Variants in SORBS2 observed in about 807,000 individuals in gnomAD.
SORBS2 encodes sorbin and SH3 domain containing 2.
A neutral mutation model predicts 97.7 loss-of-function variants in SORBS2; 46 were observed. The ratio of observed to expected loss-of-function variants is 0.47; its 90% confidence interval spans 0.37 to 0.60. The LOEUF (loss-of-function observed/expected upper bound fraction) is 0.60. Among genes scored for constraint, SORBS2 ranks in the 20% least tolerant of loss-of-function variants. The pLI is 0.00. For missense variants in SORBS2, 1,316 were observed against 1,282.3 expected (o/e 1.03, Z -0.40); for synonymous variants, 476 against 473.4 (o/e 1.01, Z -0.07).
chr4:185,908,490 C>T (rs1470756877), intron 1 of SORBS2, among the ~76,000 whole-genome samples: 1 of 150,452 alleles, frequency 6.6e-6, no homozygotes, highest in African/African-American at 2.4e-5. Flanking sequence ...AAAAGTGCCA[C>T]GTTCCCTCTG....
At chr4:185,779,828 G>A (rs1398115720) in intron 1 of SORBS2, among the ~76,000 whole-genome samples, 1 of 152,004 alleles carries the variant, frequency 6.6e-6, no homozygotes, top group Admixed American at 6.6e-5. Context: ...AGTGCTTAGG[G>A]CGAGGCAGCA....
intron 1 of SORBS2, among the ~76,000 whole-genome samples, chr4:185,867,454 A>G (rs1339862252): frequency 6.6e-6 from 1 of 152,254 alleles, no homozygotes; most frequent in Non-Finnish European, 1.5e-5. Context: ...AAAATGCACC[A>G]GGGTGGACGG....
chr4:185,877,488 C>T (rs2099234257), intron 1 of SORBS2, among the ~76,000 whole-genome samples: 1 of 152,126 alleles, frequency 6.6e-6, no homozygotes, highest in Non-Finnish European at 1.5e-5. Context: ...ATTGAAAATA[C>T]AGCTATTTAT....
At chr4:185,833,112 T>C (rs373335741) in intron 1 of SORBS2, among the ~76,000 whole-genome samples, 52 of 152,342 alleles carry the variant, frequency 3.4e-4, no homozygotes, top group African/African-American at 1.1e-3. Flanking sequence ...TTAAAATGGC[T>C]AATTCCAAAG....
rs1402684124 is a variant in SORBS2 at position 185,684,710 on chromosome 4, G to C, written c.-197-5888C>G. ...AGAACAAAAACAGTCAGAAGAGCTA[G>C]AAGCCATTCAAGTGCGACATTGTGT... On this transcript the variant is annotated intron_variant, in intron 2 of 20. Transcript: ENST00000284776. The surrounding 1 kb of genome is among the most constrained non-coding windows in gnomAD (Gnocchi z 4.2). 1 of 1,324,448 alleles carries C rather than the reference G, an allele frequency of 7.6e-7. No homozygotes were observed. The highest frequency in any genetic ancestry group is 1.1e-6 in the Non-Finnish European group (1 of 941,594). The allele number at this position is 1,324,448 out of a possible 1,614,324, so 82.0% of individuals were successfully genotyped here.
intron 4 of SORBS2, among the ~76,000 whole-genome samples, chr4:185,636,710 G>A (rs1482604379): frequency 6.7e-6 from 1 of 150,084 alleles, no homozygotes; most frequent in Non-Finnish European, 1.5e-5. Flanking sequence ...GTGCAGTGGC[G>A]TGATCCCAGC....
rs571018641 is a variant in SORBS2, at chr4:185,643,618, A to G, written c.396+3050T>C. Among the ~76,000 whole-genome samples the G allele has an allele frequency of 1.8e-3, 280 of 152,294 alleles. 1 individual carries two copies. Among genetic ancestry groups the G allele is most frequent in the African/African-American group, 6.5e-3 (271 of 41,560 alleles). The stretch of plus-strand genomic sequence containing the variant: ...CAATTGTGGGCCAGAAGAGAGGAGC[A>G]GCAGTGGCACTTCTCCTGGCAGGCG... On this transcript the variant is annotated intron_variant, in intron 4 of 14. Transcript: ENST00000418609.
At chr4:185,708,511 T>A (rs2098379926) in intron 2 of SORBS2, among the ~76,000 whole-genome samples, 1 of 152,222 alleles carries the variant, frequency 6.6e-6, no homozygotes, top group African/African-American at 2.4e-5. Flanking sequence ...ACCTTTTAGT[T>A]ATAATCACAG....
intron 1 of SORBS2, among the ~76,000 whole-genome samples, chr4:185,809,482 A>AAAAAAT (rs1561170208): frequency 2.0e-5 from 3 of 148,006 alleles, no homozygotes; most frequent in Admixed American, 1.4e-4. Flanking sequence ...AAAAAAAAAA[A>AAAAAAT]TCTGATATAG....
intron 4 of SORBS2, among the ~76,000 whole-genome samples, chr4:185,662,904 T>C (rs1258074288): frequency 6.6e-6 from 1 of 152,246 alleles, no homozygotes; most frequent in Non-Finnish European, 1.5e-5. Flanking sequence ...ATTGTTTCGA[T>C]TGTTCCGTAT....
intron 2 of SORBS2, among the ~76,000 whole-genome samples, chr4:185,685,627 G>A (rs989808516): frequency 3.3e-5 from 5 of 152,062 alleles, no homozygotes; most frequent in South Asian, 2.1e-4. Context: ...AACCTCCTGC[G>A]CTCAAGCAAT....
intron 2 of SORBS2, among the ~76,000 whole-genome samples, chr4:185,767,221 G>A (rs889966314): frequency 3.3e-5 from 5 of 152,132 alleles, no homozygotes; most frequent in Non-Finnish European, 7.4e-5. Context: ...AGAGCTGGCC[G>A]GGCGCGGTGG....
chr4:185,749,927 G>C (rs1172845798), intron 2 of SORBS2, among the ~76,000 whole-genome samples: 7 of 152,222 alleles, frequency 4.6e-5, no homozygotes, highest in Non-Finnish European at 1.0e-4. Flanking sequence ...ATGGGGCTAT[G>C]GCTTCATTTT....
At chr4:185,730,092 AC>A (rs1052264135) in intron 2 of SORBS2, among the ~76,000 whole-genome samples, 14 of 152,178 alleles carry the variant, frequency 9.2e-5, no homozygotes, top group African/African-American at 3.4e-4. Context: ...AGCTGGGACT[AC>A]AGGTGCCTGC....
chr4:185,657,470 C>T (rs1472992139), upstream of SORBS2: 2 of 1,565,354 alleles, frequency 1.3e-6, no homozygotes, highest in East Asian at 4.8e-5. Flanking sequence ...GGGCCCGATC[C>T]CTGGGTAATG....
At chr4:185,902,537 G>A (rs1424219783) in intron 1 of SORBS2, among the ~76,000 whole-genome samples, 1 of 152,078 alleles carries the variant, frequency 6.6e-6, no homozygotes, top group Admixed American at 6.5e-5. Flanking sequence ...TGAAATTAGA[G>A]TTTTATTACA....
intron 1 of SORBS2, among the ~76,000 whole-genome samples, chr4:185,800,444 C>G (rs2099124806): frequency 6.6e-6 from 1 of 152,172 alleles, no homozygotes; most frequent in Admixed American, 6.5e-5. Flanking sequence ...TTCTGGCTCT[C>G]AGGAGTGGAG....
chr4:185,724,389 T>C (rs186253175), intron 2 of SORBS2, among the ~76,000 whole-genome samples: 10 of 152,020 alleles, frequency 6.6e-5, no homozygotes, highest in Admixed American at 2.0e-4. Context: ...TAGCCACCAG[T>C]TATCCTTTAA....
chr4:185,795,426 C>G lies in SORBS2; in HGVS notation c.-337-20060G>C, dbSNP rs188044936. Among the ~76,000 whole-genome samples, 359 of 152,258 alleles carry G rather than the reference C, an allele frequency of 2.4e-3. 4 individuals carry two copies. The highest frequency in any genetic ancestry group is 4.2e-3 in the Non-Finnish European group (285 of 68,012). On this transcript the variant is annotated intron_variant, in intron 1 of 20. Coordinates refer to the SORBS2 transcript ENST00000284776. ...TGTACCTTCAGAGAAGGTTTTTATC[C>G]TAGTCCATCCCCAGCAGACACCTCC...
Sources: allele counts gnomAD v4.1 joint callset (sites outside exome capture counted in the v4.1 genomes callset), GRCh38; gene constraint gnomAD v4.1.1; non-coding constraint Gnocchi (gnomAD v3.1); transcripts MANE v1.5; gene names NCBI Gene and HGNC (gene_info 2026-07-23, HGNC 2026-07-21).